The following PRH1 variants were observed in gnomAD, a reference collection of about 807,000 sequenced individuals.
The protein encoded by PRH1 is salivary acidic proline-rich phosphoprotein 1/2.
A neutral mutation model predicts 7.9 loss-of-function variants in PRH1; 7 were observed. The observed-to-expected ratio is 0.89, with a 90% CI of 0.50 to 1.67. The LOEUF (loss-of-function observed/expected upper bound fraction) is 1.67, where lower values mean the gene tolerates loss of function less well. Ranked by LOEUF, PRH1 falls within the 40% of genes most tolerant of loss-of-function variation. PRH1 has a pLI of 0.00. For missense variants in PRH1, 109 were observed against 223.6 expected (o/e 0.49, Z 3.27); for synonymous variants, 45 against 80.8 (o/e 0.56, Z 2.38).
intron 2 of PRH1, among the ~76,000 whole-genome samples, chr12:10,969,648 TTTTTTTGC>T (rs200172576): frequency 0.018 from 2,776 of 152,188 alleles, 78 homozygotes; most frequent in African/African-American, 0.064. Flanking sequence ...TGTTTTTTTG[TTTTTTTGC>T]ATTTTCATAT....
chr12:11,154,451 G>C (rs1375953054), intron 1 of PRH1, among the ~76,000 whole-genome samples: 1 of 152,140 alleles, frequency 6.6e-6, no homozygotes, highest in Non-Finnish European at 1.5e-5. Context: ...ACTCTTAATT[G>C]GGGAGAGGAA....
chr12:10,929,328 T>C, intron 2 of PRH1: 1 of 1,614,076 alleles, frequency 6.2e-7, no homozygotes. Context: ...AGCTCAGGAC[T>C]TAGATGAAGG....
chr12:10,929,258 CA>C lies in PRH1; in HGVS notation c.-59+44396del, dbSNP rs1313545191. 4 of 1,614,158 alleles carry C rather than the reference CA, an allele frequency of 2.5e-6. No homozygotes were observed. In the East Asian group the frequency reaches 6.7e-5, roughly 27 times the overall value. On this transcript the variant is annotated intron_variant, in intron 2 of 3. Transcript: ENST00000539853. ...CCCAGCATAAAGTTGGGAGTGACAC[CA>C]GAGCCTTCTGCAAGATGCTTCTGAT...
intron 1 of PRH1, among the ~76,000 whole-genome samples, chr12:11,072,153 C>CT (rs1267543246): frequency 6.6e-6 from 1 of 152,046 alleles, no homozygotes; most frequent in African/African-American, 2.4e-5. Flanking sequence ...GTTGTTTTTT[C>CT]TTTTTTTAGT....
At chr12:11,145,223 G>A (rs1264496260) in intron 1 of PRH1, among the ~76,000 whole-genome samples, 1 of 151,882 alleles carries the variant, frequency 6.6e-6, no homozygotes, top group Admixed American at 6.6e-5. Context: ...ACGGAGTCTC[G>A]CCCCATTGCC....
upstream of PRH1, chr12:11,047,213 TAGAA>T (rs1287625385): frequency 1.5e-5 from 5 of 332,510 alleles, no homozygotes; most frequent in Non-Finnish European, 3.2e-5. Flanking sequence ...AAAATAAAAA[TAGAA>T]AGAGATGCTT....
At chr12:10,961,056 T>G (rs1366191234) in intron 2 of PRH1, among the ~76,000 whole-genome samples, 2 of 152,116 alleles carry the variant, frequency 1.3e-5, no homozygotes, top group African/African-American at 2.4e-5. Flanking sequence ...ATAACAGCTA[T>G]AGGGTCTGGC....
rs77237805 is a variant in PRH1, at chr12:11,162,600, T to C, written n.39+8822A>G. 3.9e-5 allele frequency among the ~76,000 whole-genome samples: 6 copies of C among 152,286 alleles called. No individual in the cohort carries two copies. The South Asian group carries it at 8.3e-4, about 21-fold the overall frequency. On this transcript the variant is annotated intron_variant and non_coding_transcript_variant, in intron 1 of 1. Transcript: ENST00000541175. ...AAGGGTACATATGGTGATTTAAAAA[T>C]AGGCATGAAGTCTGTGGCAGGTACT... is the stretch of plus-strand genomic sequence containing the variant.
chr12:11,116,400 T>A (rs1945731887), downstream of PRH1, among the ~76,000 whole-genome samples: 1 of 151,584 alleles, frequency 6.6e-6, no homozygotes, highest in South Asian at 2.1e-4. Flanking sequence ...ATAAAAAGTC[T>A]CCCACTTTAG....
At chr12:11,119,374 A>G (rs1945826657), downstream of PRH1, among the ~76,000 whole-genome samples, 1 of 152,126 alleles carries the variant, frequency 6.6e-6, no homozygotes, top group Admixed American at 6.6e-5. Flanking sequence ...CAGCAGAGTG[A>G]CTATAGTCAA....
chr12:11,124,159 C>G (rs35128418), intron 1 of PRH1, among the ~76,000 whole-genome samples: 44,008 of 152,130 alleles, frequency 0.29, 8,226 homozygotes, highest in East Asian at 0.74. Context: ...GCCACACAAT[C>G]TCCTCACAAG....
At chr12:10,887,198 G>GCA (rs1367794337), upstream of PRH1, among the ~76,000 whole-genome samples, 1 of 152,132 alleles carries the variant, frequency 6.6e-6, no homozygotes, top group Non-Finnish European at 1.5e-5. Context: ...AGTTTGCCTG[G>GCA]AACACTAAAG....
At chr12:10,975,295 T>G (rs1365772118) in intron 1 of PRH1, among the ~76,000 whole-genome samples, 1 of 152,194 alleles carries the variant, frequency 6.6e-6, no homozygotes, top group Non-Finnish European at 1.5e-5. Flanking sequence ...AAAAGAATTT[T>G]TAATCAAGAA....
At chr12:11,133,656 G>A (rs1471710480) in intron 1 of PRH1, 2 of 1,614,150 alleles carry the variant, frequency 1.2e-6, no homozygotes, top group Non-Finnish European at 1.7e-6. Context: ...CAGATTAACA[G>A]CAGAAAAGAT....
At chr12:11,031,995 C>T (rs56242278) in intron 1 of PRH1, among the ~76,000 whole-genome samples, 4,847 of 152,230 alleles carry the variant, frequency 0.032, 115 homozygotes, top group Non-Finnish European at 0.046. Context: ...CCAGAAATAA[C>T]CATGGCATGT....
chr12:11,133,298 A>G, intron 1 of PRH1: 1 of 1,610,234 alleles, frequency 6.2e-7, no homozygotes, highest in Non-Finnish European at 8.5e-7. Flanking sequence ...GAAGACACAC[A>G]ATGCCCCTCT....
intron 1 of PRH1, chr12:10,985,827 TC>T: frequency 9.8e-7 from 1 of 1,016,464 alleles, no homozygotes; most frequent in Non-Finnish European, 1.4e-6. Context: ...CAGAAAATAC[TC>T]AAAAACATAC....
At chr12:10,912,414 T>A (rs567898780) in intron 2 of PRH1, among the ~76,000 whole-genome samples, 90 of 152,292 alleles carry the variant, frequency 5.9e-4, no homozygotes, top group Non-Finnish European at 1.1e-3. Flanking sequence ...TATCATCTTA[T>A]TAAATTTTTA....
At chr12:10,895,214 C>A (rs1949626964) in intron 2 of PRH1, 1 of 152,152 alleles carries the variant, frequency 6.6e-6, no homozygotes, top group Admixed American at 6.5e-5. Context: ...GGCTTCTGTG[C>A]TGGGATCCCT....
Sources: gnomAD v4.1 joint callset for allele counts (sites outside exome capture counted in the v4.1 genomes callset) on GRCh38, gnomAD v4.1.1 for gene constraint, MANE v1.5 for transcripts, NCBI Gene and HGNC (gene_info 2026-07-23, HGNC 2026-07-21) for gene names.